Variants in ADAM8 observed in about 807,000 individuals in gnomAD.
ADAM8 encodes disintegrin and metalloproteinase domain-containing protein 8.
In ADAM8, 104 loss-of-function variants were observed where a neutral mutation model predicts 102.4. That is an observed-to-expected ratio of 1.02 (90% CI 0.87 to 1.20). ADAM8 has a LOEUF of 1.20. Ranked by LOEUF, ADAM8 falls within the 50% of genes most tolerant of loss-of-function variation. ADAM8 has a pLI of 0.00. For synonymous variants in ADAM8, 517 were observed against 485.2 expected (o/e 1.07, Z -0.86); for missense variants, 1,132 against 1,159.0 (o/e 0.98, Z 0.34).
intron 17 of ADAM8, 95 bp downstream of exon 17, chr10:133,269,802 G>T: frequency 7.0e-7 from 1 of 1,424,312 alleles, no homozygotes; most frequent in Non-Finnish European, 9.8e-7. Flanking sequence ...GGCTCCCCCA[G>T]CCTCAGGCTC....
At chr10:133,263,488 G>A (rs1846225354) in intron 22 of ADAM8, among the ~76,000 whole-genome samples, 200 bp downstream of exon 22, 1 of 152,172 alleles carries the variant, frequency 6.6e-6, no homozygotes, top group Admixed American at 6.5e-5. Context: ...GGCATCTGCT[G>A]AGAAGTCCCC....
At position 133,267,929 on chromosome 10, in the gene ADAM8, A is replaced by G; in HGVS notation, c.2253T>C (p.Ala751=). The G allele has an allele frequency of 7.9e-7, 1 of 1,259,670 alleles. No homozygotes were observed. Among genetic ancestry groups the G allele is most frequent in the South Asian group, 3.8e-5 (1 of 26,246 alleles). The allele number at this position is 1,259,670 out of a possible 1,614,324, so 78.0% of individuals were successfully genotyped here. Residue 751 remains alanine (A), a splice_region_variant and synonymous_variant, in exon 20 of 23, where the codon GCT becomes GCC. Transcript: ENST00000445355. ...TGAACCCGCCAGGGGTGGTGCTTAC[A>G]GCAGGGGGCGGCCTCTTCAGAGCCA... ...SSVALKRPPP[A]PPVTVSSPPF... is the part of the protein sequence containing the mutation.
At position 133,270,909 on chromosome 10, in the gene ADAM8, G is replaced by C. The variant is rs1429693329; in HGVS notation, c.1536C>G (p.Ala512=). The C allele has an allele frequency of 6.2e-7, 1 of 1,612,270 alleles. No homozygotes were observed. Among genetic ancestry groups the C allele is most frequent in the South Asian group, 1.1e-5 (1 of 91,052 alleles). ...GCCCCCAGAAGGCCTGGCACTGCTGGGCCAGTGTGGGACAGGCCCCGTTGT... is the reference window on the plus strand; with the variant it reads ...GCCCCCAGAAGGCCTGGCACTGCTGCGCCAGTGTGGGACAGGCCCCGTTGT... ...YCYNGACPTL[A]QQCQAFWGPG... is the part of the protein sequence containing the mutation. The change falls in exon 14 of 23, where the codon GCC becomes GCG. Residue 512 remains alanine, a synonymous_variant. Coordinates refer to ENST00000445355, the MANE Select transcript of ADAM8 (RefSeq NM_001109.5).
intron 21 of ADAM8, among the ~76,000 whole-genome samples, chr10:133,264,870 T>C (rs56363357): frequency 1.4e-4 from 16 of 116,472 alleles, no homozygotes; most frequent in Admixed American, 1.8e-4. Context: ...TCCACGCCTG[T>C]TCCTGCTGCA....
In ADAM8 at chr10:133,271,908, T is replaced by TCA. The variant is rs1244957492; in HGVS notation, c.1002_1003dup (p.Glu335ValfsTer126). 6.2e-7 allele frequency: 1 copy of TCA among 1,612,520 alleles called. No homozygotes were observed. On this transcript the variant is annotated frameshift_variant, in exon 11 of 23. Transcript: ENST00000445355. LOFTEE classifies it high-confidence loss of function. ...GTCCATGCCCAGGTTGTGGCCCATC[T>TCA]CATGGGCCATGGTACAGGCCACGCC...
At chr10:133,274,864 G>A (rs561637526) in intron 2 of ADAM8, 24 of 433,772 alleles carry the variant, frequency 5.5e-5, no homozygotes, top group African/African-American at 4.1e-4. Context: ...GCTGGGGCTC[G>A]GCCTGCAGAG....
In ADAM8 at chr10:133,262,848, C is replaced by T; in HGVS notation, c.*308G>A. 1 of 418,094 alleles carries T rather than the reference C, an allele frequency of 2.4e-6. No homozygotes were observed. Among genetic ancestry groups the T allele is most frequent in the East Asian group, 4.8e-5 (1 of 21,026 alleles). The allele number at this position is 418,094 out of a possible 1,614,324, so 25.9% of individuals were successfully genotyped here. A position where few individuals can be genotyped will look rare whatever the true frequency, so the allele number is the denominator to read the frequency against. On this transcript the variant is annotated 3_prime_UTR_variant, in exon 23 of 23. Coordinates refer to ENST00000445355, the MANE Select transcript of ADAM8 (RefSeq NM_001109.5). Reference sequence around the variant, plus strand: ...GGGGCTGTATATGTGGCCTCCTGAACACAGCGGGAGACCAGCGGCCACCTG... The same window carrying T: ...GGGGCTGTATATGTGGCCTCCTGAATACAGCGGGAGACCAGCGGCCACCTG...
intron 2 of ADAM8, chr10:133,274,909 T>C (rs994351080): frequency 3.7e-5 from 16 of 433,070 alleles, no homozygotes; most frequent in African/African-American, 3.2e-4. Flanking sequence ...ACCGGCTGGA[T>C]GAGCCCAGGG....
intron 10 of ADAM8, 21 bp downstream of exon 10, chr10:133,272,172 C>A (rs1350761965): frequency 2.6e-6 from 4 of 1,549,542 alleles, no homozygotes; most frequent in Non-Finnish European, 2.6e-6. Context: ...GCCTGGCAAA[C>A]CCGGGCAGGA....
At chr10:133,263,609 A>AGTACCACCGTCAGCCCCGTGGGGAGGCC in intron 22 of ADAM8, 79 bp downstream of exon 22, 6 of 64,722 alleles carry the variant, frequency 9.3e-5, no homozygotes, top group Admixed American at 3.6e-4. Context: ...CCTCCAGGGC[A>AGTACCACCGTCAGCCCCGTGGGGAGGCC]GTGCCACCGT....
chr10:133,275,409 G>T, intron 2 of ADAM8, 75 bp downstream of exon 2: 1 of 1,185,536 alleles, frequency 8.4e-7, no homozygotes, highest in Non-Finnish European at 1.2e-6. Flanking sequence ...ACCACTTTCT[G>T]TAAGCTAAAG....
chr10:133,267,585 A>T (rs1200894828), intron 20 of ADAM8, among the ~76,000 whole-genome samples, 168 bp from the exon 21 acceptor site: 2 of 152,158 alleles, frequency 1.3e-5, no homozygotes, highest in Non-Finnish European at 2.9e-5. Context: ...TCCTCCCCTC[A>T]GCCGTGTGAT....
At chr10:133,263,585 G>A in intron 22 of ADAM8, 103 bp downstream of exon 22, 1 of 82,512 alleles carries the variant, frequency 1.2e-5, no homozygotes. Flanking sequence ...CAGATAATCA[G>A]AAAAAAACCC....
At chr10:133,268,177 C>G in intron 19 of ADAM8, 59 bp from the exon 20 acceptor site, 1 of 1,232,246 alleles carries the variant, frequency 8.1e-7, no homozygotes, top group Non-Finnish European at 1.0e-6. Flanking sequence ...CAGCACCACA[C>G]CCCGAGTCTC....
intron 5 of ADAM8, 87 bp downstream of exon 5, chr10:133,273,675 C>G (rs1441635041): frequency 4.2e-6 from 6 of 1,421,794 alleles, no homozygotes; most frequent in Non-Finnish European, 5.7e-6. Flanking sequence ...AGGAGGCACC[C>G]TCCCTGCCTC....
intron 8 of ADAM8, 61 bp downstream of exon 8, chr10:133,272,736 CA>C: frequency 1.4e-6 from 2 of 1,442,882 alleles, no homozygotes; most frequent in South Asian, 2.5e-5. Context: ...AACCCTGTGG[CA>C]ACACCCCCCC....
rs1369344291 is a variant in ADAM8 at position 133,275,493 on chromosome 10, G to A, written c.141C>T (p.Pro47=). 1.3e-6 allele frequency: 2 copies of A among 1,534,856 alleles called. No homozygotes were observed. Among genetic ancestry groups the A allele is most frequent in the African/African-American group, 1.4e-5 (1 of 71,880 alleles). ...LPGPRVRRAL[P]SHLGLHPERV... is the part of the protein sequence containing the mutation. ...GCCAGCTTAGACTCACCAAGTGGGAGGGCAGAGCTCGGCGGACTCGGGGGC... is the reference window on the plus strand; with the variant it reads ...GCCAGCTTAGACTCACCAAGTGGGAAGGCAGAGCTCGGCGGACTCGGGGGC... Residue 47 remains proline, a synonymous_variant, in exon 2 of 23, where the codon CCC becomes CCT. Coordinates refer to ENST00000445355, the MANE Select transcript of ADAM8 (RefSeq NM_001109.5).
intron 2 of ADAM8, among the ~76,000 whole-genome samples, chr10:133,274,625 T>C (rs926981594): frequency 2.6e-5 from 4 of 151,900 alleles, no homozygotes; most frequent in African/African-American, 9.7e-5. Flanking sequence ...AGTTTCCCCA[T>C]CTGACCACGC....
At chr10:133,266,228 G>T (rs183368876) in intron 21 of ADAM8, among the ~76,000 whole-genome samples, 1 of 152,156 alleles carries the variant, frequency 6.6e-6, no homozygotes. Flanking sequence ...TGCCTGGGGG[G>T]ACCATGGCTG....
Sources: gnomAD v4.1 joint callset for allele counts (sites outside exome capture counted in the v4.1 genomes callset) on GRCh38, gnomAD v4.1.1 for gene constraint, MANE v1.5 for transcripts, NCBI Gene and HGNC (gene_info 2026-07-23, HGNC 2026-07-21) for gene names.